The following TTYH2 variants were observed in gnomAD, a reference collection of about 807,000 sequenced individuals.
TTYH2 encodes protein tweety homolog 2.
A neutral mutation model predicts 68.3 loss-of-function variants in TTYH2; 49 were observed. The observed-to-expected ratio is 0.72, with a 90% confidence interval of 0.57 to 0.91. TTYH2 has a LOEUF of 0.91. Ranked by LOEUF, TTYH2 falls within the 40% of genes least tolerant of loss-of-function variation. The pLI, the probability that TTYH2 is intolerant of heterozygous loss-of-function variation, is 0.00. For missense variants in TTYH2, 631 were observed against 700.4 expected (o/e 0.90, Z 1.12); for synonymous variants, 272 against 300.8 (o/e 0.90, Z 0.99).
chr17:74,257,600 C>T (rs961612684), intron 13 of TTYH2, among the ~76,000 whole-genome samples: 15 of 152,208 alleles, frequency 9.9e-5, no homozygotes, highest in Non-Finnish European at 2.2e-4. Flanking sequence ...GGTGATGTCA[C>T]GCCTGGTGAT....
At position 74,253,061 on chromosome 17, in the gene TTYH2, T is replaced by C. The variant is rs756444323; in HGVS notation, c.1260-20T>C. 6.2e-7 allele frequency: 1 copy of C among 1,612,702 alleles called. No individual in the cohort carries two copies. Among genetic ancestry groups the C allele is most frequent in the African/African-American group, 1.3e-5 (1 of 74,936 alleles). On this transcript the variant is annotated intron_variant, in intron 11 of 13. Coordinates refer to ENST00000269346, the MANE Select transcript of TTYH2 (RefSeq NM_032646.6). ...CTCCTTCACCCTTCACAGCCGGCCATCTTCTACCCATTGTTCTAGAAACAG... is the reference window on the plus strand; with the variant it reads ...CTCCTTCACCCTTCACAGCCGGCCACCTTCTACCCATTGTTCTAGAAACAG...
chr17:74,242,943 G>A (rs1449607675), intron 4 of TTYH2, among the ~76,000 whole-genome samples: 2 of 152,164 alleles, frequency 1.3e-5, no homozygotes, highest in African/African-American at 2.4e-5. Flanking sequence ...TGTCCAGGGT[G>A]GTAGCCCCAG....
Position 74,230,903 on chromosome 17 carries a change from T to G in TTYH2, c.318T>G (p.Val106=), listed in dbSNP as rs757090710. The G allele has an allele frequency of 1.5e-5, 24 of 1,614,010 alleles. No homozygotes were observed. The African/African-American group carries it at 3.1e-4, about 21-fold the overall frequency. The stretch of plus-strand genomic sequence containing the variant: ...TTGCTTATAGTGCTGCGGTGGGCGT[T>G]GGTTTCTATGGAAACAGCGAGACCA... ...AGLICCAAVG[V]GFYGNSETND... Residue 106 remains valine (V), a synonymous_variant, in exon 3 of 14, where the codon GTT becomes GTG. Coordinates refer to ENST00000269346, the MANE Select transcript of TTYH2 (RefSeq NM_032646.6).
rs1181674386 is a variant in TTYH2, at chr17:74,260,432, C to T, written c.*223C>T. ...TGCCCTGCTCTCCACACCAGAAATG[C>T]CCCCAGGTGCTTGGCTGCCTCAGAG... On this transcript the variant is annotated 3_prime_UTR_variant, in exon 14 of 14. Transcript: ENST00000269346. The T allele has an allele frequency of 9.0e-6, 5 of 557,314 alleles. No individual in the cohort carries two copies. In the East Asian group the frequency reaches 1.5e-4, roughly 17 times the overall value. The allele number at this position is 557,314 out of a possible 1,614,324, so 34.5% of individuals were successfully genotyped here.
At chr17:74,230,374 C>T (rs1309518558) in intron 2 of TTYH2, among the ~76,000 whole-genome samples, 5 of 151,996 alleles carry the variant, frequency 3.3e-5, no homozygotes, top group Non-Finnish European at 7.4e-5. Flanking sequence ...GGATCACAGG[C>T]GTGAGCCACC....
At chr17:74,223,046 G>A (rs1182619519) in intron 2 of TTYH2, among the ~76,000 whole-genome samples, 2 of 152,034 alleles carry the variant, frequency 1.3e-5, no homozygotes, top group Non-Finnish European at 2.9e-5. Flanking sequence ...ATCTTCTTGT[G>A]AGATCAATAG....
chr17:74,226,722 G>A (rs1204955293), intron 2 of TTYH2, among the ~76,000 whole-genome samples: 1 of 152,110 alleles, frequency 6.6e-6, no homozygotes. Context: ...AAAAGCAAAA[G>A]GGATAGGAGG....
At position 74,241,294 on chromosome 17, in the gene TTYH2, T is replaced by TGTGCGC. The variant is rs1555599446; in HGVS notation, c.636-2075_636-2074insCGTGCG. Among the ~76,000 whole-genome samples, 11 of 144,220 alleles carry TGTGCGC rather than the reference T, an allele frequency of 7.6e-5. No individual in the cohort carries two copies. The highest frequency in any genetic ancestry group is 2.6e-4 in the African/African-American group (10 of 38,046). 94.6% of individuals were successfully genotyped at this position (144,220 alleles called of 152,430 possible). ...GTGTGTGTGTGTGTGTGTGTGTGTG[T>TGTGCGC]GTGCGTGTAAAAATAAGAATGTGAT... On this transcript the variant is annotated intron_variant, in intron 4 of 13. Coordinates refer to ENST00000269346, the MANE Select transcript of TTYH2 (RefSeq NM_032646.6). This position sits in a 1 kb window ranked among gnomAD's most constrained non-coding sequence, Gnocchi z 4.1.
intron 6 of TTYH2, 42 bp downstream of exon 6, chr17:74,244,091 TG>T: frequency 6.3e-7 from 1 of 1,584,178 alleles, no homozygotes; most frequent in Non-Finnish European, 8.6e-7. Context: ...GTGGTTGGTC[TG>T]CCAGGACACT....
At position 74,241,292 on chromosome 17, in the gene TTYH2, T is replaced by C. The variant is rs1330729522; in HGVS notation, c.636-2082T>C. Among the ~76,000 whole-genome samples, 2 of 150,212 alleles carry C rather than the reference T, an allele frequency of 1.3e-5. No individual in the cohort carries two copies. The highest frequency in any genetic ancestry group is 3.0e-5 in the Non-Finnish European group (2 of 67,784). On this transcript the variant is annotated intron_variant, in intron 4 of 13. Transcript: ENST00000269346. The surrounding 1 kb of genome is among the most constrained non-coding windows in gnomAD (Gnocchi z 4.1). ...GTGTGTGTGTGTGTGTGTGTGTGTG[T>C]GTGTGCGTGTAAAAATAAGAATGTG...
rs776132156 is a variant in TTYH2 at position 74,253,800 on chromosome 17, G to A, written c.1491G>A (p.Val497=). The A allele has an allele frequency of 1.2e-6, 2 of 1,614,210 alleles. No individual in the cohort carries two copies. Among genetic ancestry groups the A allele is most frequent in the Admixed American group, 1.7e-5 (1 of 60,018 alleles). The change falls in exon 13 of 14, where the codon GTG becomes GTA. Residue 497 remains valine (V), a synonymous_variant. Coordinates refer to ENST00000269346, the MANE Select transcript of TTYH2 (RefSeq NM_032646.6). ...GTAGGAACCCACGCTACGAGAACGTGCCACTAATCGGGAGAGCCTCCCCTC... is the reference window on the plus strand; with the variant it reads ...GTAGGAACCCACGCTACGAGAACGTACCACTAATCGGGAGAGCCTCCCCTC... ...LFGRNPRYEN[V]PLIGRASPPP...
chr17:74,231,136 G>C (rs570381702), intron 3 of TTYH2, 137 bp downstream of exon 3: 1 of 770,762 alleles, frequency 1.3e-6, no homozygotes, highest in Non-Finnish European at 2.1e-6. Context: ...CTGGACCCCC[G>C]CCTGCGCTGC....
In TTYH2 at chr17:74,215,558, C is replaced by T; in HGVS notation, c.129+1842C>T. 1 of 1,421,490 alleles carries T rather than the reference C, an allele frequency of 7.0e-7. No homozygotes were observed. 88.1% of individuals were successfully genotyped at this position (1,421,490 alleles called of 1,614,324 possible). ...CCAGAGGGTGTCCCTTCCCATCGGC[C>T]ACTGCTCCTGGGCAGCTGACACCAG... On this transcript the variant is annotated intron_variant, in intron 1 of 13. Transcript: ENST00000269346. This position sits in a 1 kb window ranked among gnomAD's most constrained non-coding sequence, Gnocchi z 4.3.
Position 74,222,545 on chromosome 17 carries a change from G to A in TTYH2, c.190G>A (p.Val64Met), listed in dbSNP as rs768418691. ...CCTGGGCCTGAACCTCATCTTCCTT[G>A]TGGCTTACCTGGTCTGTGCATGCCA... The part of the protein sequence containing the change: ...VCLGLNLIFL[V>M]AYLVCACHCR... Residue 64 changes from valine (V) to methionine (M), a missense_variant, in exon 2 of 14, where the codon GTG (valine) becomes ATG (methionine). Val to Met is a conservative substitution (Grantham distance 21). Coordinates refer to ENST00000269346, the MANE Select transcript of TTYH2 (RefSeq NM_032646.6). The surrounding 1 kb of genome is among the most constrained non-coding windows in gnomAD (Gnocchi z 5.2). 1 of 1,612,698 alleles carries A rather than the reference G, an allele frequency of 6.2e-7. No homozygotes were observed. The highest frequency in any genetic ancestry group is 8.5e-7 in the Non-Finnish European group (1 of 1,180,008).
chr17:74,214,082 G>T lies in TTYH2; in HGVS notation c.129+366G>T, dbSNP rs1180338288. 1.3e-5 allele frequency among the ~76,000 whole-genome samples: 2 copies of T among 152,198 alleles called. No individual in the cohort carries two copies. Among genetic ancestry groups the T allele is most frequent in the Non-Finnish European group, 2.9e-5 (2 of 68,040 alleles). ...TCGGGGTAATCCTGGCGCGCGAGGTGCGGGGATGCTGAGGGGTGCCCCGAA... is the reference window on the plus strand; with the variant it reads ...TCGGGGTAATCCTGGCGCGCGAGGTTCGGGGATGCTGAGGGGTGCCCCGAA... On this transcript the variant is annotated intron_variant, in intron 1 of 13. Coordinates refer to ENST00000269346, the MANE Select transcript of TTYH2 (RefSeq NM_032646.6). The surrounding 1 kb of genome is among the most constrained non-coding windows in gnomAD (Gnocchi z 4.6).
At chr17:74,249,512 GGT>G in intron 8 of TTYH2, 113 bp downstream of exon 8, 2 of 1,167,092 alleles carry the variant, frequency 1.7e-6, no homozygotes, top group Non-Finnish European at 2.5e-6. Context: ...GCCTCACTGT[GGT>G]CCTCTCCTTA....
chr17:74,241,948 C>T lies in TTYH2; in HGVS notation c.636-1426C>T, dbSNP rs891712355. ...CTTTGTTTGGGGTCTTCTCAGTGTCCGTTGGCTTAAGATACTTTGATTCTT... is the reference window on the plus strand; with the variant it reads ...CTTTGTTTGGGGTCTTCTCAGTGTCTGTTGGCTTAAGATACTTTGATTCTT... On this transcript the variant is annotated intron_variant, in intron 4 of 13. Coordinates refer to ENST00000269346, the MANE Select transcript of TTYH2 (RefSeq NM_032646.6). This position sits in a 1 kb window ranked among gnomAD's most constrained non-coding sequence, Gnocchi z 4.1. 6.6e-6 allele frequency among the ~76,000 whole-genome samples: 1 copy of T among 152,146 alleles called. No individual in the cohort carries two copies. Among genetic ancestry groups the T allele is most frequent in the African/African-American group, 2.4e-5 (1 of 41,438 alleles).
In TTYH2 at chr17:74,252,287, G is replaced by A; in HGVS notation, c.1170G>A (p.Leu390=). ...GCTACGACGGCCTCCAGGGCTTGCT[G>A]TACCTTGGCCTCTTCTCCTTCCTGG... ...GICYDGLQGL[L]YLGLFSFLAA... The change falls in exon 11 of 14, where the codon CTG becomes CTA. Residue 390 remains leucine (L), a synonymous_variant. Transcript: ENST00000269346. 2 of 1,613,836 alleles carry A rather than the reference G, an allele frequency of 1.2e-6. No homozygotes were observed. The highest frequency in any genetic ancestry group is 1.3e-5 in the African/African-American group (1 of 75,062).
chr17:74,236,432 T>C (rs1339979208), intron 3 of TTYH2, among the ~76,000 whole-genome samples: 2 of 152,250 alleles, frequency 1.3e-5, no homozygotes, highest in Non-Finnish European at 2.9e-5. Flanking sequence ...TAAGCCAAAG[T>C]GCTGAAAGTT....
Sources: gnomAD v4.1 joint callset for allele counts (sites outside exome capture counted in the v4.1 genomes callset) on GRCh38, gnomAD v4.1.1 for gene constraint, Gnocchi (gnomAD v3.1) non-coding constraint, MANE v1.5 for transcripts, NCBI Gene and HGNC (gene_info 2026-07-23, HGNC 2026-07-21) for gene names.